The following RNF182 variants were observed in gnomAD, a reference collection of about 807,000 sequenced individuals.
RNF182 encodes E3 ubiquitin-protein ligase RNF182.
Under a neutral mutation model 14.4 loss-of-function variants are expected in RNF182, and 15 were observed. The observed-to-expected ratio is 1.04, with a 90% CI of 0.70 to 1.60. RNF182 has a LOEUF of 1.60. Ranked by LOEUF, RNF182 falls within the 40% of genes most tolerant of loss-of-function variation. RNF182 has a pLI of 0.00. For missense variants in RNF182, 268 were observed against 294.8 expected (o/e 0.91, Z 0.67); for synonymous variants, 128 against 122.9 (o/e 1.04, Z -0.27).
intron 1 of RNF182, among the ~76,000 whole-genome samples, chr6:13,931,189 A>G (rs1046095927): frequency 2.0e-5 from 3 of 152,132 alleles, no homozygotes; most frequent in Admixed American, 2.0e-4. Context: ...CCTCAAGTCT[A>G]TTTTTGGAAC....
intron 1 of RNF182, among the ~76,000 whole-genome samples, chr6:13,929,260 C>G (rs1032190484): frequency 6.6e-6 from 1 of 152,108 alleles, no homozygotes; most frequent in Non-Finnish European, 1.5e-5. Flanking sequence ...TGTGTTTGGC[C>G]AACATATTGT....
intron 1 of RNF182, among the ~76,000 whole-genome samples, chr6:13,963,887 G>C (rs760503203): frequency 6.6e-6 from 1 of 152,130 alleles, no homozygotes; most frequent in Non-Finnish European, 1.5e-5. Context: ...AGCCATATTT[G>C]CAGACAAGTT....
In RNF182 at chr6:13,979,418, G is replaced by T. The variant is rs986406061; in HGVS notation, c.*1555G>T. ...ATGAAATCTTTGTTGTGTGATGCAGGTACAGTGCGCCCATTCCAACTGGAA... is the reference window on the plus strand; with the variant it reads ...ATGAAATCTTTGTTGTGTGATGCAGTTACAGTGCGCCCATTCCAACTGGAA... On this transcript the variant is annotated 3_prime_UTR_variant, in exon 3 of 3. Transcript: ENST00000488300. The T allele has an allele frequency of 1.8e-5, 3 of 167,012 alleles. No homozygotes were observed. Among genetic ancestry groups the T allele is most frequent in the African/African-American group, 7.2e-5 (3 of 41,440 alleles). 10.3% of individuals were successfully genotyped at this position (167,012 alleles called of 1,614,324 possible). A position where few individuals can be genotyped will look rare whatever the true frequency, so the allele number is the denominator to read the frequency against.
intron 1 of RNF182, among the ~76,000 whole-genome samples, chr6:13,936,510 G>C (rs1392178610): frequency 1.3e-5 from 2 of 152,160 alleles, no homozygotes; most frequent in East Asian, 3.9e-4. Context: ...GTTTAAAAAG[G>C]GGAACATTTA....
intron 1 of RNF182, among the ~76,000 whole-genome samples, chr6:13,968,069 CAAAA>C (rs1760079968): frequency 8.0e-6 from 1 of 124,752 alleles, no homozygotes; most frequent in African/African-American, 2.5e-5. Flanking sequence ...TCATAACAAA[CAAAA>C]ATAAATTAGA....
chr6:13,952,285 TC>T (rs1376730982), intron 1 of RNF182, among the ~76,000 whole-genome samples: 2 of 151,938 alleles, frequency 1.3e-5, no homozygotes, highest in Non-Finnish European at 2.9e-5. Flanking sequence ...CTCTCACATT[TC>T]CCCCTTTGCG....
At position 13,979,530 on chromosome 6, in the gene RNF182, G is replaced by T. The variant is rs1760438342; in HGVS notation, c.*1667G>T. On this transcript the variant is annotated 3_prime_UTR_variant, in exon 3 of 3. Coordinates refer to ENST00000488300, the MANE Select transcript of RNF182 (RefSeq NM_152737.4). ...GATGAGAATAGTATACATGGGATATGGTCCAATGAATTTAAGCCCCAAGAT... is the reference window on the plus strand; with the variant it reads ...GATGAGAATAGTATACATGGGATATTGTCCAATGAATTTAAGCCCCAAGAT... 1 of 166,890 alleles carries T rather than the reference G, an allele frequency of 6.0e-6. No individual in the cohort carries two copies. Among genetic ancestry groups the T allele is most frequent in the Admixed American group, 6.6e-5 (1 of 15,266 alleles). The allele number at this position is 166,890 out of a possible 1,614,324, so 10.3% of individuals were successfully genotyped here.
At chr6:13,933,745 T>C (rs902875245) in intron 1 of RNF182, among the ~76,000 whole-genome samples, 11 of 152,200 alleles carry the variant, frequency 7.2e-5, no homozygotes, top group African/African-American at 2.7e-4. Flanking sequence ...AGGCCAGGCA[T>C]GGTGGCTTAT....
chr6:13,962,985 T>TTGAGC (rs1407003707), intron 1 of RNF182, among the ~76,000 whole-genome samples: 1 of 152,200 alleles, frequency 6.6e-6, no homozygotes, highest in Admixed American at 6.5e-5. Context: ...TTTTGTTTTT[T>TTGAGC]TGAGCTCTAC....
At chr6:13,959,428 C>G (rs576684246) in intron 1 of RNF182, among the ~76,000 whole-genome samples, 1 of 152,106 alleles carries the variant, frequency 6.6e-6, no homozygotes, top group African/African-American at 2.4e-5. Flanking sequence ...GTGTAATAAA[C>G]GGATGGTAGA....
Position 13,976,923 on chromosome 6 carries a change from C to G in RNF182, c.-197C>G, listed in dbSNP as rs944661868. 8.1e-6 allele frequency: 5 copies of G among 614,330 alleles called. No individual in the cohort carries two copies. Among genetic ancestry groups the G allele is most frequent in the Non-Finnish European group, 1.1e-5 (4 of 348,496 alleles). 38.1% of individuals were successfully genotyped at this position (614,330 alleles called of 1,614,324 possible). ...CTTCTTTACAGACCCTTCATGTGGCCTTTATAAATATGCGTTTGAGACAGA... is the reference window on the plus strand; with the variant it reads ...CTTCTTTACAGACCCTTCATGTGGCGTTTATAAATATGCGTTTGAGACAGA... On this transcript the variant is annotated 5_prime_UTR_variant, in exon 3 of 3. Coordinates refer to ENST00000488300, the MANE Select transcript of RNF182 (RefSeq NM_152737.4).
chr6:13,925,548 G>A (rs892559753), intron 1 of RNF182, among the ~76,000 whole-genome samples: 1 of 152,080 alleles, frequency 6.6e-6, no homozygotes, highest in Non-Finnish European at 1.5e-5. Flanking sequence ...ATATTGAATC[G>A]AAAGACCTTT....
chr6:13,964,401 C>T (rs1009027336), intron 1 of RNF182, among the ~76,000 whole-genome samples: 1 of 151,994 alleles, frequency 6.6e-6, no homozygotes, highest in Admixed American at 6.6e-5. Flanking sequence ...AATGTTCTGC[C>T]CAAATTAAAC....
chr6:13,933,076 A>G (rs188251994), intron 1 of RNF182, among the ~76,000 whole-genome samples: 1 of 152,306 alleles, frequency 6.6e-6, no homozygotes, highest in African/African-American at 2.4e-5. Context: ...GATGGCACAC[A>G]TTCTGGAGAA....
chr6:13,940,260 A>C (rs1165745841), intron 1 of RNF182, among the ~76,000 whole-genome samples: 1 of 152,208 alleles, frequency 6.6e-6, no homozygotes, highest in Non-Finnish European at 1.5e-5. Context: ...TATCGAGATG[A>C]TGATATGATT....
intron 1 of RNF182, among the ~76,000 whole-genome samples, chr6:13,952,389 C>A (rs78972741): frequency 0.034 from 5,210 of 152,202 alleles, 256 homozygotes; most frequent in African/African-American, 0.11. Flanking sequence ...GATTAATCCA[C>A]AGAGAAAAGC....
chr6:13,944,611 T>C (rs1759389069), intron 1 of RNF182, among the ~76,000 whole-genome samples: 1 of 152,142 alleles, frequency 6.6e-6, no homozygotes, highest in East Asian at 1.9e-4. Flanking sequence ...GGGTGGAAAT[T>C]AGGCATACCT....
At chr6:13,954,903 T>G (rs1759689047) in intron 1 of RNF182, among the ~76,000 whole-genome samples, 1 of 152,174 alleles carries the variant, frequency 6.6e-6, no homozygotes. Flanking sequence ...GTGGAGGGGC[T>G]CTACGCTTCC....
chr6:13,943,861 C>T (rs937850913), intron 1 of RNF182, among the ~76,000 whole-genome samples: 9 of 152,104 alleles, frequency 5.9e-5, no homozygotes, highest in South Asian at 2.1e-4. Context: ...ACAAAAGGTA[C>T]TAAAAGACAT....
Sources: gnomAD v4.1 joint callset for allele counts (sites outside exome capture counted in the v4.1 genomes callset) on GRCh38, gnomAD v4.1.1 for gene constraint, MANE v1.5 for transcripts, NCBI Gene and HGNC (gene_info 2026-07-23, HGNC 2026-07-21) for gene names.